The following DGKB variants were observed in gnomAD, a reference collection of about 807,000 sequenced individuals.
DGKB encodes diacylglycerol kinase beta, also known as 90 kDa diacylglycerol kinase.
DGKB carries 67 observed loss-of-function variants against 114.3 expected under a neutral mutation model. That is an observed-to-expected ratio of 0.59 (90% CI 0.48 to 0.72). The LOEUF (loss-of-function observed/expected upper bound fraction) is 0.72, where lower values mean the gene tolerates loss of function less well. Among genes scored for constraint, DGKB ranks in the 30% least tolerant of loss-of-function variants. The probability of loss-of-function intolerance (pLI) is 0.00; values close to 1 mark genes in which losing one functional copy is unlikely to be tolerated. For missense variants in DGKB, 907 were observed against 975.2 expected (o/e 0.93, Z 0.93); for synonymous variants, 398 against 323.1 (o/e 1.23, Z -2.49).
chr7:14,328,532 C>T (rs981426014), intron 23 of DGKB, among the ~76,000 whole-genome samples: 1 of 151,986 alleles, frequency 6.6e-6, no homozygotes, highest in Non-Finnish European at 1.5e-5. Flanking sequence ...CATTTTCTTT[C>T]TGCCAATCTG....
At chr7:14,333,938 G>A (rs1395217820) in intron 23 of DGKB, among the ~76,000 whole-genome samples, 1 of 152,058 alleles carries the variant, frequency 6.6e-6, no homozygotes, top group Non-Finnish European at 1.5e-5. Flanking sequence ...TTTCATTGCT[G>A]GCTGCTTACA....
At chr7:14,545,180 A>C (rs1410389257) in intron 20 of DGKB, among the ~76,000 whole-genome samples, 1 of 152,112 alleles carries the variant, frequency 6.6e-6, no homozygotes, top group Non-Finnish European at 1.5e-5. Flanking sequence ...GCACCCTAAA[A>C]AAATGTTAGG....
chr7:14,246,628 T>A (rs1419758411), intron 23 of DGKB, among the ~76,000 whole-genome samples: 2 of 152,204 alleles, frequency 1.3e-5, no homozygotes, highest in African/African-American at 4.8e-5. Context: ...TTTGGGTAAC[T>A]TTAGCAAATG....
chr7:14,609,066 T>C (rs1196226994), intron 16 of DGKB, among the ~76,000 whole-genome samples: 1 of 152,024 alleles, frequency 6.6e-6, no homozygotes, highest in Non-Finnish European at 1.5e-5. Context: ...AAAACTCTTC[T>C]AAAATTCATG....
At chr7:14,809,304 C>T (rs201295992) in intron 2 of DGKB, among the ~76,000 whole-genome samples, 2 of 152,000 alleles carry the variant, frequency 1.3e-5, no homozygotes, top group Non-Finnish European at 2.9e-5. Context: ...CTGCTATAGT[C>T]CTAGTGCTCC....
chr7:14,390,090 A>G (rs1821090593), intron 21 of DGKB, among the ~76,000 whole-genome samples: 1 of 152,192 alleles, frequency 6.6e-6, no homozygotes, highest in Non-Finnish European at 1.5e-5. Flanking sequence ...GAGGAGGCAT[A>G]TCATACTGCT....
intron 20 of DGKB, among the ~76,000 whole-genome samples, chr7:14,484,162 C>T (rs935357165): frequency 6.6e-6 from 1 of 151,744 alleles, no homozygotes; most frequent in Non-Finnish European, 1.5e-5. Context: ...GAATCTATAA[C>T]TTAGCAAAAA....
At chr7:14,623,184 G>C (rs1047237573) in intron 14 of DGKB, among the ~76,000 whole-genome samples, 1 of 152,152 alleles carries the variant, frequency 6.6e-6, no homozygotes, top group Non-Finnish European at 1.5e-5. Context: ...GATTCTTAGG[G>C]ATTTTAGGCT....
intron 23 of DGKB, among the ~76,000 whole-genome samples, chr7:14,253,065 C>T (rs1001954556): frequency 6.6e-5 from 10 of 151,030 alleles, no homozygotes; most frequent in African/African-American, 2.0e-4. Flanking sequence ...GGGGGAGTCT[C>T]GCTGTGTCAC....
At chr7:14,877,586 A>G (rs1356451745) in intron 1 of DGKB, among the ~76,000 whole-genome samples, 1 of 152,174 alleles carries the variant, frequency 6.6e-6, no homozygotes, top group Non-Finnish European at 1.5e-5. Flanking sequence ...AAAAGTAAAG[A>G]AAAATTTTAT....
intron 23 of DGKB, among the ~76,000 whole-genome samples, chr7:14,276,098 T>A (rs1467463372): frequency 1.3e-5 from 2 of 152,186 alleles, no homozygotes; most frequent in Non-Finnish European, 2.9e-5. Flanking sequence ...CATATCACTA[T>A]GAGGCAAATC....
intron 6 of DGKB, among the ~76,000 whole-genome samples, chr7:14,707,032 G>A (rs1221582303): frequency 6.6e-6 from 1 of 150,730 alleles, no homozygotes; most frequent in Non-Finnish European, 1.5e-5. Context: ...CCAGGAGCTG[G>A]TTTTTTGAAA....
At chr7:14,494,637 G>T (rs1443282699) in intron 20 of DGKB, among the ~76,000 whole-genome samples, 1 of 151,790 alleles carries the variant, frequency 6.6e-6, no homozygotes, top group Non-Finnish European at 1.5e-5. Context: ...ACCTTGTATT[G>T]CAATGTTTTG....
intron 21 of DGKB, among the ~76,000 whole-genome samples, chr7:14,372,579 A>G: frequency 6.6e-6 from 1 of 152,116 alleles, no homozygotes; most frequent in East Asian, 1.9e-4. Flanking sequence ...CTTGGCTGCT[A>G]CTTGCTTTTT....
chr7:14,865,859 T>C (rs369953332), intron 1 of DGKB, among the ~76,000 whole-genome samples: 1 of 152,290 alleles, frequency 6.6e-6, no homozygotes, highest in South Asian at 2.1e-4. Context: ...GAGGACTTTG[T>C]ATGGCTCAGA....
At chr7:14,365,378 G>A (rs955789672) in intron 21 of DGKB, among the ~76,000 whole-genome samples, 4 of 151,868 alleles carry the variant, frequency 2.6e-5, no homozygotes, top group South Asian at 4.1e-4. Flanking sequence ...TTAACTTCAC[G>A]TCTTGCTCAC....
chr7:14,170,537 G>T (rs1411406285), intron 25 of DGKB, among the ~76,000 whole-genome samples: 4 of 152,040 alleles, frequency 2.6e-5, no homozygotes, highest in Admixed American at 2.0e-4. Context: ...GAAAAATCCA[G>T]CAACCTTTGT....
intron 6 of DGKB, among the ~76,000 whole-genome samples, chr7:14,712,104 G>A (rs1450204473): frequency 6.6e-6 from 1 of 152,018 alleles, no homozygotes; most frequent in African/African-American, 2.4e-5. Flanking sequence ...ATCAAGCTGA[G>A]AATAAAATGG....
intron 1 of DGKB, among the ~76,000 whole-genome samples, chr7:14,842,731 A>ATT (rs1457527997): frequency 7.5e-6 from 1 of 132,738 alleles, no homozygotes; most frequent in African/African-American, 3.0e-5. Context: ...GAGACAGATG[A>ATT]TTCTGTCACA....
Sources: gnomAD v4.1 joint callset for allele counts (sites outside exome capture counted in the v4.1 genomes callset) on GRCh38, gnomAD v4.1.1 for gene constraint, MANE v1.5 for transcripts, NCBI Gene and HGNC (gene_info 2026-07-23, HGNC 2026-07-21) for gene names.